Variants in OPHN1 observed in about 807,000 individuals in gnomAD.
The protein encoded by OPHN1 is oligophrenin-1.
A neutral mutation model predicts 60.7 loss-of-function variants in OPHN1; 11 were observed. The ratio of observed to expected loss-of-function variants is 0.18; its 90% CI spans 0.11 to 0.30. OPHN1 has a LOEUF of 0.30. OPHN1 is among the 10% of genes least tolerant of loss of function. OPHN1 has a pLI of 1.00. For missense variants in OPHN1, 449 were observed against 611.0 expected, an observed-to-expected ratio of 0.73 and a Z score of 2.80; for synonymous variants, 226 against 222.6, an observed-to-expected ratio of 1.02 and a Z score of -0.14.
chrX:68,274,633 A>T (rs1039840190), intron 5 of OPHN1, 105 bp downstream of exon 5: 26 of 560,440 alleles, frequency 4.6e-5, no homozygotes, highest in Admixed American at 2.8e-4. Flanking sequence ...GCCAAGAGCA[A>T]AGCACCAGCA....
At chrX:68,317,914 AAAAC>A (rs748576972) in intron 2 of OPHN1, among the ~76,000 whole-genome samples, 2 of 111,146 alleles carry the variant, frequency 1.8e-5, no homozygotes, top group Admixed American at 9.6e-5. Context: ...CTCAAGTAAA[AAAAC>A]AAACAAACAA....
intron 21 of OPHN1, among the ~76,000 whole-genome samples, chrX:68,055,588 C>G (rs2076869536): frequency 8.9e-6 from 1 of 111,876 alleles, no homozygotes; most frequent in Non-Finnish European, 1.9e-5. Context: ...TTTGACCCAG[C>G]CATCCCATTA....
At chrX:68,297,887 A>G (rs1376657432) in intron 3 of OPHN1, among the ~76,000 whole-genome samples, 2 of 111,794 alleles carry the variant, frequency 1.8e-5, no homozygotes, top group South Asian at 7.4e-4. Flanking sequence ...GAAAACAGAT[A>G]TATGTAGAGA....
intron 5 of OPHN1, among the ~76,000 whole-genome samples, chrX:68,251,247 C>T (rs915992811): frequency 5.7e-5 from 5 of 87,772 alleles, no homozygotes; most frequent in Admixed American, 1.6e-4. Flanking sequence ...AGTACAATGG[C>T]GCAATCTCGG....
intron 2 of OPHN1, among the ~76,000 whole-genome samples, chrX:68,358,214 G>A (rs2078452509): frequency 9.1e-6 from 1 of 110,212 alleles, no homozygotes; most frequent in African/African-American, 3.3e-5. Context: ...ACAACTACTC[G>A]AGAGGCTGAG....
chrX:68,146,135 T>A (rs1402520915), intron 15 of OPHN1, among the ~76,000 whole-genome samples: 1 of 112,414 alleles, frequency 8.9e-6, no homozygotes, highest in East Asian at 2.8e-4. Context: ...GAAAAATTAG[T>A]TTTCATACAA....
intron 2 of OPHN1, among the ~76,000 whole-genome samples, chrX:68,302,670 A>G (rs1385471085): frequency 9.0e-6 from 1 of 110,825 alleles, no homozygotes; most frequent in Non-Finnish European, 1.9e-5. Context: ...TTAATCTCAG[A>G]GCTTTGGGAG....
At chrX:68,343,325 G>A (rs1169189425) in intron 2 of OPHN1, among the ~76,000 whole-genome samples, 1 of 107,940 alleles carries the variant, frequency 9.3e-6, no homozygotes, top group African/African-American at 3.4e-5. Flanking sequence ...GCTCACAGCT[G>A]TAATCCCAGC....
In OPHN1 at chrX:68,133,081, G is replaced by A. The variant is rs966024343; in HGVS notation, c.1277-13749C>T. The stretch of plus-strand genomic sequence containing the variant: ...GCAGCAAGCGGCGCCTTACAATTCC[G>A]GAGAAAATTTTTCAGAACATAAAAC... On this transcript the variant is annotated intron_variant, in intron 15 of 24. Coordinates refer to ENST00000355520, the MANE Select transcript of OPHN1 (RefSeq NM_002547.3). 7.1e-5 allele frequency: 38 copies of A among 538,014 alleles called. No homozygotes were observed. The African/African-American group carries it at 7.5e-4, about 11-fold the overall frequency. The allele number at this position is 538,014 out of a possible 1,213,427, so 44.3% of individuals were successfully genotyped here. A position where few individuals can be genotyped will look rare whatever the true frequency, so the allele number is the denominator to read the frequency against.
intron 5 of OPHN1, among the ~76,000 whole-genome samples, chrX:68,259,512 C>T (rs1402030340): frequency 1.8e-5 from 2 of 111,392 alleles, no homozygotes; most frequent in Non-Finnish European, 1.9e-5. Flanking sequence ...AGAGCACCTG[C>T]AGATCATTCC....
At chrX:68,131,959 A>C (rs1369065649) in intron 15 of OPHN1, among the ~76,000 whole-genome samples, 1 of 112,836 alleles carries the variant, frequency 8.9e-6, no homozygotes, top group African/African-American at 3.2e-5. Flanking sequence ...GCTTTCTCTT[A>C]AATAATTCTT....
At chrX:68,148,775 A>G (rs1366313661) in intron 15 of OPHN1, among the ~76,000 whole-genome samples, 1 of 111,141 alleles carries the variant, frequency 9.0e-6, no homozygotes, top group East Asian at 2.8e-4. Flanking sequence ...TCAGATATCC[A>G]GGGCCCACAT....
In OPHN1 at chrX:68,269,347, G is replaced by A. The variant is rs191727949; in HGVS notation, c.384+5391C>T. 3.6e-5 allele frequency among the ~76,000 whole-genome samples: 4 copies of A among 111,415 alleles called. No homozygotes were observed. In the South Asian group the frequency reaches 1.5e-3, roughly 42 times the overall value. The stretch of plus-strand genomic sequence containing the variant: ...ACCTGACTTCAAACTATACTACAAG[G>A]CTTCAGTAACCAAAACAGCATGGTA... On this transcript the variant is annotated intron_variant, in intron 5 of 24. Transcript: ENST00000355520.
intron 2 of OPHN1, among the ~76,000 whole-genome samples, chrX:68,429,344 T>G (rs2078874418): frequency 9.0e-6 from 1 of 110,799 alleles, no homozygotes; most frequent in Non-Finnish European, 1.9e-5. Context: ...GAGAATTGCT[T>G]AAACCCGGGA....
chrX:68,080,623 C>CT (rs1420262845), intron 19 of OPHN1, among the ~76,000 whole-genome samples: 1 of 111,978 alleles, frequency 8.9e-6, no homozygotes, highest in Non-Finnish European at 1.9e-5. Context: ...TACATTCTGT[C>CT]TTTTTTTCCC....
chrX:68,398,117 T>C (rs1188080540), intron 2 of OPHN1, among the ~76,000 whole-genome samples: 1 of 111,659 alleles, frequency 9.0e-6, no homozygotes, highest in Non-Finnish European at 1.9e-5. Flanking sequence ...GTCTTTGATC[T>C]TATATTGTCC....
intron 2 of OPHN1, among the ~76,000 whole-genome samples, chrX:68,391,584 C>T (rs1338709478): frequency 1.8e-5 from 2 of 111,371 alleles, no homozygotes; most frequent in Non-Finnish European, 3.8e-5. Context: ...AAGATATCCA[C>T]ACCCTCATCC....
At chrX:68,213,338 G>C (rs1602239371) in intron 7 of OPHN1, among the ~76,000 whole-genome samples, 2 of 111,586 alleles carry the variant, frequency 1.8e-5, no homozygotes, top group Non-Finnish European at 3.8e-5. Context: ...CTCCAGTTTG[G>C]GTGACAGTGA....
At chrX:68,245,134 A>G (rs1242533867) in intron 5 of OPHN1, among the ~76,000 whole-genome samples, 1 of 111,564 alleles carries the variant, frequency 9.0e-6, no homozygotes, top group Non-Finnish European at 1.9e-5. Flanking sequence ...AAGGAAAGGC[A>G]CTAAGGAAAT....
Sources: allele counts gnomAD v4.1 joint callset (sites outside exome capture counted in the v4.1 genomes callset), GRCh38; gene constraint gnomAD v4.1.1; transcripts MANE v1.5; gene names NCBI Gene and HGNC (gene_info 2026-07-23, HGNC 2026-07-21).